Variants in TMEM229B observed in about 807,000 individuals in gnomAD.
The protein encoded by TMEM229B is chromosome 14 open reading frame 83.
In TMEM229B, 6 loss-of-function variants were observed where a neutral mutation model predicts 13.7. The ratio of observed to expected loss-of-function variants is 0.44; its 90% CI spans 0.24 to 0.86. TMEM229B has a LOEUF of 0.86. Among genes scored for constraint, TMEM229B ranks in the 40% least tolerant of loss-of-function variants. The probability of loss-of-function intolerance (pLI) is 0.23; values close to 1 mark genes in which losing one functional copy is unlikely to be tolerated. For missense variants in TMEM229B, 170 were observed against 236.0 expected (o/e 0.72, Z 1.83); for synonymous variants, 107 against 102.1 (o/e 1.05, Z -0.29).
At chr14:67,507,430 T>G (rs749811524) in intron 1 of TMEM229B, among the ~76,000 whole-genome samples, 4 of 151,938 alleles carry the variant, frequency 2.6e-5, no homozygotes, top group Non-Finnish European at 5.9e-5. Context: ...GGAGCAGGGA[T>G]AGGGGGAAGA....
chr14:67,493,975 C>T (rs974592292), intron 1 of TMEM229B, among the ~76,000 whole-genome samples: 5 of 152,114 alleles, frequency 3.3e-5, no homozygotes, highest in African/African-American at 1.2e-4. Context: ...CCATCTGAAC[C>T]AATCGGTACT....
chr14:67,521,415 A>G (rs1192749737), intron 1 of TMEM229B, among the ~76,000 whole-genome samples: 1 of 152,192 alleles, frequency 6.6e-6, no homozygotes, highest in Non-Finnish European at 1.5e-5. Context: ...CCCAGGAGAA[A>G]TGATCAAGTC....
chr14:67,512,411 A>G (rs970857687), intron 1 of TMEM229B, among the ~76,000 whole-genome samples: 7 of 152,262 alleles, frequency 4.6e-5, no homozygotes, highest in Admixed American at 2.0e-4. Context: ...CTCCTTAGCC[A>G]GGTGTTGCCA....
intron 2 of TMEM229B, among the ~76,000 whole-genome samples, chr14:67,475,915 G>A (rs370953370): frequency 6.6e-6 from 1 of 152,248 alleles, no homozygotes; most frequent in African/African-American, 2.4e-5. Context: ...AACTCCTTGA[G>A]GATAGTGACT....
intron 1 of TMEM229B, among the ~76,000 whole-genome samples, 161 bp downstream of exon 1, chr14:67,488,347 C>T (rs2031997377): frequency 6.6e-6 from 1 of 152,258 alleles, no homozygotes; most frequent in African/African-American, 2.4e-5. Context: ...GGAACTGAAA[C>T]TCACTGTATG....
At chr14:67,477,042 T>C (rs2031250180) in intron 2 of TMEM229B, among the ~76,000 whole-genome samples, 1 of 152,058 alleles carries the variant, frequency 6.6e-6, no homozygotes, top group Admixed American at 6.6e-5. Context: ...GGCATGCGCC[T>C]ATAATCCCAG....
At chr14:67,486,234 G>A (rs1280795912) in intron 2 of TMEM229B, among the ~76,000 whole-genome samples, 1 of 152,226 alleles carries the variant, frequency 6.6e-6, no homozygotes, top group African/African-American at 2.4e-5. Context: ...TTCTCATGCT[G>A]TTCTTGTGAT....
chr14:67,474,074 A>G, intron 2 of TMEM229B, 133 bp from the exon 3 acceptor site: 1 of 991,662 alleles, frequency 1.0e-6, no homozygotes, highest in Non-Finnish European at 1.4e-6. Context: ...CATCATGGTG[A>G]AACCCCGTCT....
chr14:67,482,198 T>G (rs1346788931), intron 2 of TMEM229B, among the ~76,000 whole-genome samples: 2 of 152,194 alleles, frequency 1.3e-5, no homozygotes, highest in Non-Finnish European at 2.9e-5. Flanking sequence ...CAGAGCCCTG[T>G]TCACTAAGAG....
At chr14:67,507,175 C>T (rs2032858260) in intron 1 of TMEM229B, among the ~76,000 whole-genome samples, 2 of 151,924 alleles carry the variant, frequency 1.3e-5, no homozygotes, top group South Asian at 4.2e-4. Flanking sequence ...CACTGAGTTG[C>T]CCAGAAAGCA....
intron 2 of TMEM229B, among the ~76,000 whole-genome samples, chr14:67,486,234 G>C (rs1280795912): frequency 6.6e-6 from 1 of 152,226 alleles, no homozygotes; most frequent in Non-Finnish European, 1.5e-5. Context: ...TTCTCATGCT[G>C]TTCTTGTGAT....
At chr14:67,480,247 C>G (rs1463835477) in intron 2 of TMEM229B, among the ~76,000 whole-genome samples, 1 of 152,130 alleles carries the variant, frequency 6.6e-6, no homozygotes, top group Non-Finnish European at 1.5e-5. Flanking sequence ...AGCCTCCAGG[C>G]AGCCCTTCCT....
At chr14:67,509,245 T>C (rs567181772) in intron 1 of TMEM229B, among the ~76,000 whole-genome samples, 3 of 152,330 alleles carry the variant, frequency 2.0e-5, no homozygotes, top group East Asian at 1.9e-4. Context: ...TGAACATTCA[T>C]TGAGATGATG....
At chr14:67,529,060 T>C (rs2033408672) in intron 1 of TMEM229B, among the ~76,000 whole-genome samples, 1 of 152,094 alleles carries the variant, frequency 6.6e-6, no homozygotes, top group Non-Finnish European at 1.5e-5. Flanking sequence ...CCTTTACACC[T>C]CTACACCTTC....
chr14:67,519,366 T>A (rs1384608942), upstream of TMEM229B, among the ~76,000 whole-genome samples: 6 of 152,232 alleles, frequency 3.9e-5, no homozygotes, highest in Non-Finnish European at 5.9e-5. Flanking sequence ...AGGCCAGTTT[T>A]GGGAATCCAG....
intron 2 of TMEM229B, among the ~76,000 whole-genome samples, chr14:67,477,449 C>G (rs1220964829): frequency 6.6e-6 from 1 of 152,212 alleles, no homozygotes; most frequent in African/African-American, 2.4e-5. Flanking sequence ...GCTTCTCTTC[C>G]TCTTCTGAAT....
At chr14:67,510,157 A>T (rs1020706008) in intron 1 of TMEM229B, among the ~76,000 whole-genome samples, 3 of 152,244 alleles carry the variant, frequency 2.0e-5, no homozygotes, top group Admixed American at 6.5e-5. Context: ...GATAATTAAT[A>T]GTAGCTATCT....
At position 67,473,344 on chromosome 14, in the gene TMEM229B, G is replaced by A; in HGVS notation, c.*76C>T. On this transcript the variant is annotated 3_prime_UTR_variant, in exon 3 of 3. Transcript: ENST00000554480. The surrounding 1 kb of genome is among the most constrained non-coding windows in gnomAD (Gnocchi z 6.5). The stretch of plus-strand genomic sequence containing the variant: ...GGAGCAGGGCTTTTGCTGCATGGAT[G>A]GGGCAACCTCACCAGCTTGGTCTCT... 1 of 1,555,114 alleles carries A rather than the reference G, an allele frequency of 6.4e-7. No individual in the cohort carries two copies. The highest frequency in any genetic ancestry group is 8.7e-7 in the Non-Finnish European group (1 of 1,147,790).
At chr14:67,509,819 C>A (rs567066870) in intron 1 of TMEM229B, among the ~76,000 whole-genome samples, 1 of 152,180 alleles carries the variant, frequency 6.6e-6, no homozygotes, top group South Asian at 2.1e-4. Flanking sequence ...CCAGCCTGTG[C>A]AACATAGCGA....
Sources: gnomAD v4.1 joint callset for allele counts (sites outside exome capture counted in the v4.1 genomes callset) on GRCh38, gnomAD v4.1.1 for gene constraint, Gnocchi (gnomAD v3.1) non-coding constraint, MANE v1.5 for transcripts, NCBI Gene and HGNC (gene_info 2026-07-23, HGNC 2026-07-21) for gene names.